Variants in SNX31 observed in about 807,000 individuals in gnomAD.
SNX31 encodes the protein sorting nexin 31, also known as sorting nexin-31.
In SNX31, 58 loss-of-function variants were observed where a neutral mutation model predicts 65.4. The ratio of observed to expected loss-of-function variants is 0.89; its 90% CI spans 0.72 to 1.10. SNX31 has a LOEUF of 1.10. SNX31 is among the 50% of genes least tolerant of loss of function. SNX31 has a pLI of 0.00. For synonymous variants in SNX31, 181 were observed against 190.1 expected (o/e 0.95, Z 0.39); for missense variants, 523 against 529.7 (o/e 0.99, Z 0.12).
intron 4 of SNX31, among the ~76,000 whole-genome samples, chr8:100,627,542 TA>T (rs1366465413): frequency 6.6e-6 from 1 of 152,134 alleles, no homozygotes; most frequent in Non-Finnish European, 1.5e-5. Context: ...AACGTCAATT[TA>T]AAAAAATTTT....
intron 2 of SNX31, among the ~76,000 whole-genome samples, chr8:100,640,526 A>G (rs1563579217): frequency 6.6e-6 from 1 of 152,370 alleles, no homozygotes; most frequent in Non-Finnish European, 1.5e-5. Context: ...AGAGGATACT[A>G]TGGAAAGAGA....
rs376667964 is a variant in SNX31, at chr8:100,596,669, G to C, written c.948C>G (p.Ser316Arg). Residue 316 changes from serine to arginine, a missense_variant, in exon 10 of 14, where the codon AGC (serine) becomes AGG (arginine). Transcript: ENST00000311812. ...AAGTGACCTGCCAGCACTTCACCCT[G>C]CTCATCTGGAAAACGATGTCCTGGG... ...SQTQDIVFQM[S>R]RVKCWQVTFL... The C allele has an allele frequency of 5.0e-5, 80 of 1,614,042 alleles. No homozygotes were observed. The highest frequency in any genetic ancestry group is 6.4e-5 in the Non-Finnish European group (76 of 1,180,026).
intron 3 of SNX31, among the ~76,000 whole-genome samples, chr8:100,635,486 C>T (rs1188450427): frequency 6.6e-6 from 1 of 151,394 alleles, no homozygotes; most frequent in Non-Finnish European, 1.5e-5. Context: ...AGTGATCCTC[C>T]TGCCTCAGCT....
At chr8:100,657,895 T>TAAC (rs141104557) in intron 1 of SNX31, 427 of 359,904 alleles carry the variant, frequency 1.2e-3, no homozygotes, top group Non-Finnish European at 1.6e-3. Flanking sequence ...AAACAAAAAA[T>TAAC]AACAACAACA....
rs1818367845 is a variant in SNX31, at chr8:100,630,900, G to A, written c.257-509C>T. On this transcript the variant is annotated intron_variant, in intron 3 of 13. Coordinates refer to ENST00000311812, the MANE Select transcript of SNX31 (RefSeq NM_152628.4). The surrounding 1 kb of genome is among the most constrained non-coding windows in gnomAD (Gnocchi z 5.3). Reference sequence around the variant, plus strand: ...TCTCCTGGGTTAAGACGATTCTCTTGCCTCAGCCTCTGAAGTAGCTGGGAT... The same window carrying A: ...TCTCCTGGGTTAAGACGATTCTCTTACCTCAGCCTCTGAAGTAGCTGGGAT... Among the ~76,000 whole-genome samples, 1 of 152,130 alleles carries A rather than the reference G, an allele frequency of 6.6e-6. No homozygotes were observed. Among genetic ancestry groups the A allele is most frequent in the African/African-American group, 2.4e-5 (1 of 41,424 alleles).
chr8:100,611,674 G>C (rs532733332), intron 7 of SNX31, among the ~76,000 whole-genome samples: 26 of 152,240 alleles, frequency 1.7e-4, no homozygotes, highest in African/African-American at 5.8e-4. Context: ...TCCTGCCTCA[G>C]CCTCCTGAAT....
Position 100,613,099 on chromosome 8 carries a change from C to T in SNX31, c.433-14G>A, listed in dbSNP as rs759182922. 3 of 1,612,304 alleles carry T rather than the reference C, an allele frequency of 1.9e-6. No homozygotes were observed. The highest frequency in any genetic ancestry group is 2.2e-5 in the East Asian group (1 of 44,860). ...GTGTGACACCACCTTTAACCAGAAACAAGCAGAAAGGGAAAAAGTTAGGTG... is the reference window on the plus strand; with the variant it reads ...GTGTGACACCACCTTTAACCAGAAATAAGCAGAAAGGGAAAAAGTTAGGTG... On this transcript the variant is annotated splice_polypyrimidine_tract_variant and intron_variant, in intron 5 of 13. Transcript: ENST00000311812. The surrounding 1 kb of genome is among the most constrained non-coding windows in gnomAD (Gnocchi z 5.2).
Position 100,576,901 on chromosome 8 carries a change from C to A in SNX31, c.1227+118G>T. 5.9e-6 allele frequency: 5 copies of A among 853,528 alleles called. No homozygotes were observed. Among genetic ancestry groups the A allele is most frequent in the Non-Finnish European group, 9.3e-6 (5 of 540,098 alleles). 52.9% of individuals were successfully genotyped at this position (853,528 alleles called of 1,614,324 possible). Reference sequence around the variant, plus strand: ...AATTGGCCCAATCTACAAAGAGGAGCTTCTGAGAAACATAATTCTGACTTA... The same window carrying A: ...AATTGGCCCAATCTACAAAGAGGAGATTCTGAGAAACATAATTCTGACTTA... On this transcript the variant is annotated intron_variant, in intron 13 of 13. Transcript: ENST00000311812. This position sits in a 1 kb window ranked among gnomAD's most constrained non-coding sequence, Gnocchi z 4.8.
rs1819794920 is a variant in SNX31, at chr8:100,648,424, A to G, written c.141+850T>C. Among the ~76,000 whole-genome samples the G allele has an allele frequency of 6.6e-6, 1 of 151,250 alleles. No homozygotes were observed. Among genetic ancestry groups the G allele is most frequent in the Non-Finnish European group, 1.5e-5 (1 of 67,932 alleles). On this transcript the variant is annotated intron_variant, in intron 2 of 13. Transcript: ENST00000311812. This position sits in a 1 kb window ranked among gnomAD's most constrained non-coding sequence, Gnocchi z 4.3. ...GTAATCCTCCTGCCTCAGTCTCCCA[A>G]AGTATTGGGATTACAAGCATGAGCC...
chr8:100,623,307 G>A (rs112907277), intron 4 of SNX31, among the ~76,000 whole-genome samples: 2,462 of 152,178 alleles, frequency 0.016, 66 homozygotes, highest in African/African-American at 0.056. Flanking sequence ...AAGGGGGAGG[G>A]CGCTAAACCA....
chr8:100,612,944 A>C lies in SNX31; in HGVS notation c.523+51T>G. ...CTGTGACTCCTATGAGCCCCTGCTC[A>C]CACCTGTCCACCCCATCTCCTAGCT... On this transcript the variant is annotated intron_variant, in intron 6 of 13. Transcript: ENST00000311812. The surrounding 1 kb of genome is among the most constrained non-coding windows in gnomAD (Gnocchi z 4.3). The C allele has an allele frequency of 6.6e-7, 1 of 1,524,492 alleles. No individual in the cohort carries two copies. The highest frequency in any genetic ancestry group is 1.1e-5 in the South Asian group (1 of 89,314). 94.4% of individuals were successfully genotyped at this position (1,524,492 alleles called of 1,614,324 possible).
At chr8:100,649,690 C>T, upstream of SNX31, 1 of 532,418 alleles carries the variant, frequency 1.9e-6, no homozygotes, top group South Asian at 3.2e-5. Flanking sequence ...GGCCGGGCCG[C>T]GCCGCCTCCC....
At position 100,649,523 on chromosome 8, in the gene SNX31, G is replaced by T. The variant is rs758142649; in HGVS notation, c.-9C>A. ...CAGAAATGCATCTTCATGGCTGAGC[G>T]GTGTCTTGGGAGTAGCGCTGGGAAC... On this transcript the variant is annotated 5_prime_UTR_variant, in exon 1 of 14. Transcript: ENST00000311812. 4 of 1,562,080 alleles carry T rather than the reference G, an allele frequency of 2.6e-6. No homozygotes were observed. The Admixed American group carries it at 7.7e-5, about 30-fold the overall frequency.
chr8:100,610,161 C>G lies in SNX31; in HGVS notation c.612-1598G>C, dbSNP rs1421848317. On this transcript the variant is annotated intron_variant, in intron 7 of 13. Transcript: ENST00000311812. This position sits in a 1 kb window ranked among gnomAD's most constrained non-coding sequence, Gnocchi z 4.0. ...GTTCCCATCAACAGAGGCAATCTGC[C>G]TAGATCTGAGATGCTGGCTAATAAT... 6.6e-6 allele frequency among the ~76,000 whole-genome samples: 1 copy of G among 152,226 alleles called. No homozygotes were observed.
In SNX31 at chr8:100,604,222, T is replaced by A. The variant is rs1194493671; in HGVS notation, c.682-3781A>T. Among the ~76,000 whole-genome samples, 1 of 151,792 alleles carries A rather than the reference T, an allele frequency of 6.6e-6. No homozygotes were observed. Among genetic ancestry groups the A allele is most frequent in the Non-Finnish European group, 1.5e-5 (1 of 67,896 alleles). On this transcript the variant is annotated intron_variant, in intron 8 of 13. Coordinates refer to ENST00000311812, the MANE Select transcript of SNX31 (RefSeq NM_152628.4). This position sits in a 1 kb window ranked among gnomAD's most constrained non-coding sequence, Gnocchi z 4.3. ...GAGAGGGGAGTATGCAGAATTGAACTTAAAAAATCAAGCATCCTAAAGGTG... is the reference window on the plus strand; with the variant it reads ...GAGAGGGGAGTATGCAGAATTGAACATAAAAAATCAAGCATCCTAAAGGTG...
chr8:100,628,813 G>GGTGTGT (rs35911139), intron 4 of SNX31, among the ~76,000 whole-genome samples: 2,073 of 144,072 alleles, frequency 0.014, 27 homozygotes, highest in African/African-American at 0.028. Flanking sequence ...AAATAAAATG[G>GGTGTGT]GTGTGTGTGT....
At position 100,576,994 on chromosome 8, in the gene SNX31, CA is replaced by C. The variant is rs1292054019; in HGVS notation, c.1227+24del. 6 of 1,575,222 alleles carry C rather than the reference CA, an allele frequency of 3.8e-6. No homozygotes were observed. The highest frequency in any genetic ancestry group is 5.2e-6 in the Non-Finnish European group (6 of 1,147,736). ...CAGATTTATCAAAATTATAATGTACCAATTACATAATTTTACTCACAGACCT... is the reference window on the plus strand; with the variant it reads ...CAGATTTATCAAAATTATAATGTACCATTACATAATTTTACTCACAGACCT... On this transcript the variant is annotated intron_variant, in intron 13 of 13. Transcript: ENST00000311812. The surrounding 1 kb of genome is among the most constrained non-coding windows in gnomAD (Gnocchi z 4.8).
At position 100,575,776 on chromosome 8, in the gene SNX31, T is replaced by G. The variant is rs1254679472; in HGVS notation, c.1227+1243A>C. Among the ~76,000 whole-genome samples the G allele has an allele frequency of 3.9e-5, 6 of 152,176 alleles. No homozygotes were observed. On this transcript the variant is annotated intron_variant, in intron 13 of 13. Coordinates refer to ENST00000311812, the MANE Select transcript of SNX31 (RefSeq NM_152628.4). This position sits in a 1 kb window ranked among gnomAD's most constrained non-coding sequence, Gnocchi z 5.1. ...CTAGGATAATGGTTCCAATTCTGGT[T>G]GTATAATAGGACCACTTGGGGAGCT...
intron 12 of SNX31, among the ~76,000 whole-genome samples, chr8:100,581,550 A>T (rs1020490267): frequency 6.6e-6 from 1 of 152,032 alleles, no homozygotes; most frequent in Non-Finnish European, 1.5e-5. Context: ...TCTTACTAGG[A>T]TAAAACTAGC....
Sources: gnomAD v4.1 joint callset for allele counts (sites outside exome capture counted in the v4.1 genomes callset) on GRCh38, gnomAD v4.1.1 for gene constraint, Gnocchi (gnomAD v3.1) non-coding constraint, MANE v1.5 for transcripts, NCBI Gene and HGNC (gene_info 2026-07-23, HGNC 2026-07-21) for gene names.